Variants in SLC2A9 observed in about 807,000 individuals in gnomAD.
SLC2A9 encodes solute carrier family 2, facilitated glucose transporter member 9.
Under a neutral mutation model 50.6 loss-of-function variants are expected in SLC2A9, and 39 were observed. The observed-to-expected ratio is 0.77, with a 90% CI of 0.60 to 1.01. The LOEUF (loss-of-function observed/expected upper bound fraction) is 1.01. SLC2A9 is among the 50% of genes least tolerant of loss of function. SLC2A9 has a pLI of 0.00. For synonymous variants in SLC2A9, 324 were observed against 276.9 expected (o/e 1.17, Z -1.69); for missense variants, 686 against 677.6 (o/e 1.01, Z -0.14).
chr4:9,792,844 G>A (rs1689892456), intron 3 of SLC2A9: 1 of 152,304 alleles, frequency 6.6e-6, no homozygotes, highest in African/African-American at 2.4e-5. Flanking sequence ...GGCATGTTCA[G>A]GGTATATGGC....
intron 3 of SLC2A9, among the ~76,000 whole-genome samples, chr4:9,812,383 G>T (rs1248533880): frequency 6.6e-6 from 1 of 151,994 alleles, no homozygotes; most frequent in African/African-American, 2.4e-5. Flanking sequence ...ATTCCAAGAA[G>T]AAAAAGAAAT....
intron 10 of SLC2A9, chr4:9,880,422 T>G: frequency 2.0e-6 from 2 of 985,232 alleles, no homozygotes; most frequent in African/African-American, 1.7e-5. Context: ...CCATAGACAC[T>G]GATGGGGAGC....
intron 11 of SLC2A9, among the ~76,000 whole-genome samples, chr4:9,829,932 A>T (rs1289926127): frequency 3.3e-5 from 5 of 152,234 alleles, no homozygotes; most frequent in Admixed American, 2.0e-4. Context: ...AAATTAGTTC[A>T]ATCATTGTGA....
intron 2 of SLC2A9, among the ~76,000 whole-genome samples, chr4:10,010,054 T>A (rs1761501063): frequency 6.6e-6 from 1 of 152,172 alleles, no homozygotes; most frequent in South Asian, 2.1e-4. Flanking sequence ...GGGTTGGCCA[T>A]GCAAGAAAGA....
chr4:9,887,506 C>T lies in SLC2A9; in HGVS notation c.1291+61G>A, dbSNP rs919444996. ...GTTCCCCATCTGTATGAGGAGAGCC[C>T]CCCAGCTTGGTGATGCCATGAGTCC... is the stretch of plus-strand genomic sequence containing the variant. On this transcript the variant is annotated intron_variant, in intron 10 of 11. Transcript: ENST00000264784. The T allele has an allele frequency of 1.4e-5, 21 of 1,493,382 alleles. No individual in the cohort carries two copies. In the Admixed American group the frequency reaches 2.0e-4, roughly 14 times the overall value. 92.5% of individuals were successfully genotyped at this position (1,493,382 alleles called of 1,614,324 possible).
At chr4:9,788,702 G>T (rs1471741843) in intron 3 of SLC2A9, among the ~76,000 whole-genome samples, 4 of 152,120 alleles carry the variant, frequency 2.6e-5, no homozygotes, top group South Asian at 2.1e-4. Flanking sequence ...TGAGCTGGGG[G>T]TATCCATACT....
chr4:9,873,286 G>T lies in SLC2A9; in HGVS notation c.1291+14281C>A, dbSNP rs115894471. 3.5e-3 allele frequency among the ~76,000 whole-genome samples: 529 copies of T among 152,298 alleles called. 4 individuals carry two copies. The highest frequency in any genetic ancestry group is 0.012 in the African/African-American group (478 of 41,556). The stretch of plus-strand genomic sequence containing the variant: ...TAGAAGGAGGCCCACTTTCTAGTAG[G>T]CTCTCAGTGATTATTTGTGGAATGG... On this transcript the variant is annotated intron_variant, in intron 10 of 11. Coordinates refer to ENST00000264784, the MANE Select transcript of SLC2A9 (RefSeq NM_020041.3).
At chr4:9,958,904 G>T (rs570035895) in intron 5 of SLC2A9, among the ~76,000 whole-genome samples, 1 of 152,028 alleles carries the variant, frequency 6.6e-6, no homozygotes. Flanking sequence ...TTAATTGTAG[G>T]TAGTTAGAAA....
intron 10 of SLC2A9, among the ~76,000 whole-genome samples, chr4:9,882,913 T>C (rs561880060): frequency 6.6e-6 from 1 of 152,246 alleles, no homozygotes; most frequent in South Asian, 2.1e-4. Context: ...TTCACAATGT[T>C]TTTAGTGGGC....
chr4:9,771,110 G>C (rs1421297671), downstream of SLC2A9: 2 of 172,922 alleles, frequency 1.2e-5, no homozygotes, highest in East Asian at 2.8e-4. Context: ...CCACAATCTG[G>C]ATGGTTTGTG....
At chr4:9,848,144 G>A (rs930667512) in intron 10 of SLC2A9, among the ~76,000 whole-genome samples, 4 of 152,204 alleles carry the variant, frequency 2.6e-5, no homozygotes, top group Non-Finnish European at 5.9e-5. Flanking sequence ...GCCCACCCAT[G>A]CTTAGACTGT....
intron 7 of SLC2A9, among the ~76,000 whole-genome samples, chr4:9,917,748 C>T (rs1407339475): frequency 6.6e-6 from 1 of 152,198 alleles, no homozygotes; most frequent in Non-Finnish European, 1.5e-5. Context: ...GGCAATTTTG[C>T]TCCCATGGGA....
chr4:9,969,441 A>G (rs1160821106), intron 5 of SLC2A9, among the ~76,000 whole-genome samples: 2 of 152,192 alleles, frequency 1.3e-5, no homozygotes, highest in Non-Finnish European at 1.5e-5. Context: ...GTTATCTGCA[A>G]TTAGATTCAT....
At chr4:9,954,049 T>C (rs756591741) in intron 5 of SLC2A9, among the ~76,000 whole-genome samples, 2 of 152,192 alleles carry the variant, frequency 1.3e-5, no homozygotes, top group Non-Finnish European at 2.9e-5. Context: ...CCTCAGGTGA[T>C]CCACCCACCT....
intron 3 of SLC2A9, among the ~76,000 whole-genome samples, chr4:9,789,653 A>G (rs1417548663): frequency 1.3e-5 from 2 of 152,256 alleles, no homozygotes; most frequent in Non-Finnish European, 2.9e-5. Flanking sequence ...CTCTAGGCCA[A>G]TTCGGGGGAA....
In SLC2A9 at chr4:10,009,074, T is replaced by G. The variant is rs532088006; in HGVS notation, c.249+9901A>C. ...GCCCGTTGTTTCTGCAGTGACACAA[T>G]GCACAGGGTCCTCCTGTAATCTCAG... On this transcript the variant is annotated intron_variant, in intron 2 of 11. Coordinates refer to ENST00000264784, the MANE Select transcript of SLC2A9 (RefSeq NM_020041.3). Among the ~76,000 whole-genome samples, 5 of 152,264 alleles carry G rather than the reference T, an allele frequency of 3.3e-5. No individual in the cohort carries two copies. The South Asian group carries it at 1.0e-3, about 32-fold the overall frequency.
At chr4:9,993,959 C>T (rs1395243042) in intron 3 of SLC2A9, among the ~76,000 whole-genome samples, 1 of 152,194 alleles carries the variant, frequency 6.6e-6, no homozygotes. Context: ...CCAGCCCCAT[C>T]GGAACTCTTC....
chr4:9,886,168 G>C (rs1295934588), intron 10 of SLC2A9, among the ~76,000 whole-genome samples: 2 of 152,210 alleles, frequency 1.3e-5, no homozygotes, highest in African/African-American at 4.8e-5. Context: ...TCTGGGAGCA[G>C]AGACTGCTCC....
At chr4:9,830,904 C>T (rs1181107099) in intron 11 of SLC2A9, among the ~76,000 whole-genome samples, 1 of 152,174 alleles carries the variant, frequency 6.6e-6, no homozygotes, top group Admixed American at 6.5e-5. Flanking sequence ...CCTCCCTTCT[C>T]TGTTGGTGAT....
Sources: allele counts gnomAD v4.1 joint callset (sites outside exome capture counted in the v4.1 genomes callset), GRCh38; gene constraint gnomAD v4.1.1; transcripts MANE v1.5; gene names NCBI Gene and HGNC (gene_info 2026-07-23, HGNC 2026-07-21).